The following DMRT1 variants were observed in gnomAD, a reference collection of about 807,000 sequenced individuals.
DMRT1 encodes the protein doublesex and mab-3 related transcription factor 1.
A neutral mutation model predicts 32.3 loss-of-function variants in DMRT1; 7 were observed. The ratio of observed to expected loss-of-function variants is 0.22; its 90% CI spans 0.12 to 0.41. The LOEUF is 0.41. Among genes scored for constraint, DMRT1 ranks in the 10% least tolerant of loss-of-function variants. The pLI, the probability that DMRT1 is intolerant of heterozygous loss-of-function variation, is 1.00. For missense variants in DMRT1, 625 were observed against 500.5 expected (o/e 1.25, Z -2.37); for synonymous variants, 278 against 206.1 (o/e 1.35, Z -2.99).
chr9:869,476 C>T (rs575774184), intron 2 of DMRT1, among the ~76,000 whole-genome samples: 92 of 152,242 alleles, frequency 6.0e-4, no homozygotes, highest in Middle Eastern at 3.4e-3. Flanking sequence ...TTTCCGTCTC[C>T]GGGTCATTGC....
chr9:921,612 A>T (rs1326364249), intron 4 of DMRT1, among the ~76,000 whole-genome samples: 1 of 152,200 alleles, frequency 6.6e-6, no homozygotes, highest in Non-Finnish European at 1.5e-5. Context: ...TTACCATAGT[A>T]TATGAGGGTT....
intron 4 of DMRT1, among the ~76,000 whole-genome samples, chr9:956,572 A>C (rs36105832): frequency 0.076 from 9,870 of 129,610 alleles, 645 homozygotes; most frequent in East Asian, 0.2. Context: ...TCAAAAAAAA[A>C]AAAAACAAAA....
chr9:862,864 C>G (rs931003885), intron 2 of DMRT1, among the ~76,000 whole-genome samples: 1 of 151,986 alleles, frequency 6.6e-6, no homozygotes, highest in Non-Finnish European at 1.5e-5. Flanking sequence ...TAACGGCCTC[C>G]CAAAAGATGC....
chr9:931,677 C>G (rs1206088006), intron 4 of DMRT1, among the ~76,000 whole-genome samples: 1 of 152,152 alleles, frequency 6.6e-6, no homozygotes, highest in East Asian at 1.9e-4. Context: ...TGGAGATAGA[C>G]ACAGAGAGAG....
intron 2 of DMRT1, among the ~76,000 whole-genome samples, chr9:854,344 G>T (rs966489659): frequency 2.0e-5 from 3 of 151,922 alleles, no homozygotes; most frequent in Non-Finnish European, 2.9e-5. Flanking sequence ...GAGTGCAGTG[G>T]CGTGATCTTG....
At chr9:867,472 T>C (rs904065488) in intron 2 of DMRT1, among the ~76,000 whole-genome samples, 3 of 152,252 alleles carry the variant, frequency 2.0e-5, no homozygotes, top group Non-Finnish European at 4.4e-5. Flanking sequence ...CCCGAGTAGC[T>C]CTCATTTACC....
chr9:905,514 G>GTGTGTGTGTGTGT (rs1564240658), intron 3 of DMRT1, among the ~76,000 whole-genome samples: 1 of 151,206 alleles, frequency 6.6e-6, no homozygotes, highest in African/African-American at 2.4e-5. Context: ...GTGTGTGTGT[G>GTGTGTGTGTGTGT]GCACTGCAGG....
At chr9:952,355 G>A (rs1819455200) in intron 4 of DMRT1, among the ~76,000 whole-genome samples, 2 of 152,144 alleles carry the variant, frequency 1.3e-5, no homozygotes, top group Admixed American at 1.3e-4. Context: ...TAGAGTACTC[G>A]GCTCCCAAAG....
intron 3 of DMRT1, among the ~76,000 whole-genome samples, chr9:906,711 GT>G (rs1428880327): frequency 6.6e-6 from 1 of 152,128 alleles, no homozygotes; most frequent in Non-Finnish European, 1.5e-5. Context: ...CAAAAAAAAA[GT>G]TTATTTGCTC....
intron 2 of DMRT1, among the ~76,000 whole-genome samples, chr9:893,148 C>G (rs1304425428): frequency 6.6e-6 from 1 of 152,154 alleles, no homozygotes; most frequent in African/African-American, 2.4e-5. Flanking sequence ...AGCTGGCAGA[C>G]GTTTCAGGCA....
At chr9:940,009 A>T (rs1457423381) in intron 4 of DMRT1, among the ~76,000 whole-genome samples, 1 of 152,194 alleles carries the variant, frequency 6.6e-6, no homozygotes, top group Non-Finnish European at 1.5e-5. Flanking sequence ...ACTCATGATC[A>T]GATTCCACTT....
In DMRT1 at chr9:842,159, G is replaced by A; in HGVS notation, c.321G>A (p.Leu107=). 1.3e-6 allele frequency: 2 copies of A among 1,547,766 alleles called. No homozygotes were observed. The highest frequency in any genetic ancestry group is 2.4e-5 in the South Asian group (2 of 84,960). ...ACTGCCAGTGCAAGAAGTGCAACCT[G>A]ATCGCCGAGAGGCAGCGCGTGATGG... ...WRDCQCKKCN[L]IAERQRVMAA... The change falls in exon 1 of 5, where the codon CTG becomes CTA. Residue 107 remains leucine (L), a synonymous_variant. Transcript: ENST00000382276.
chr9:958,955 A>G (rs1819682972), intron 4 of DMRT1, among the ~76,000 whole-genome samples: 1 of 152,204 alleles, frequency 6.6e-6, no homozygotes, highest in Non-Finnish European at 1.5e-5. Flanking sequence ...TGGGATTTCC[A>G]TCACACCTTA....
intron 2 of DMRT1, among the ~76,000 whole-genome samples, chr9:867,270 G>C (rs1194972541): frequency 6.6e-6 from 1 of 152,156 alleles, no homozygotes; most frequent in Non-Finnish European, 1.5e-5. Flanking sequence ...CCAGGATGCA[G>C]GATGGTAGGA....
chr9:872,633 T>C (rs1007700638), intron 2 of DMRT1, among the ~76,000 whole-genome samples: 1 of 152,250 alleles, frequency 6.6e-6, no homozygotes, highest in South Asian at 2.1e-4. Flanking sequence ...GGTTCATCCG[T>C]GTTGTAGCAT....
intron 4 of DMRT1, among the ~76,000 whole-genome samples, chr9:922,328 C>T (rs1416364659): frequency 1.3e-5 from 2 of 152,122 alleles, no homozygotes; most frequent in African/African-American, 4.8e-5. Context: ...GTCTAGTGCC[C>T]AGATGGAGGG....
Position 846,987 on chromosome 9 carries a change from G to A in DMRT1, c.382G>A (p.Glu128Lys), listed in dbSNP as rs778498212. The change falls in exon 2 of 5, where the codon GAG becomes AAG. Residue 128 changes from glutamate to lysine, a missense_variant. Around this residue, in one of 3 missense-constraint regions of DMRT1, gnomAD observed 416 missense variants for 321.6 expected, o/e 1.29. Transcript: ENST00000382276. ...GGCCCTGAGAAGGCAGCAGGCCCAG[G>A]AGGAGGAATTGGGTATCAGCCACCC... The part of the protein sequence containing the change: ...QVALRRQQAQ[E>K]EELGISHPIP... The A allele has an allele frequency of 6.2e-7, 1 of 1,614,166 alleles. No individual in the cohort carries two copies.
chr9:880,143 A>C (rs922503438), intron 2 of DMRT1, among the ~76,000 whole-genome samples: 2 of 152,188 alleles, frequency 1.3e-5, no homozygotes, highest in African/African-American at 4.8e-5. Context: ...GTAGTTTGTC[A>C]TCAGTCACTC....
chr9:856,542 A>T (rs1049489359), intron 2 of DMRT1, among the ~76,000 whole-genome samples: 1 of 152,218 alleles, frequency 6.6e-6, no homozygotes, highest in East Asian at 1.9e-4. Flanking sequence ...TTCTAAGTTT[A>T]TCCATGTTGT....
Sources: gnomAD v4.1 joint callset for allele counts (sites outside exome capture counted in the v4.1 genomes callset) on GRCh38, gnomAD v4.1.1 for gene constraint, gnomAD v4.1.1 regional missense constraint, MANE v1.5 for transcripts, NCBI Gene and HGNC (gene_info 2026-07-23, HGNC 2026-07-21) for gene names.